NIBAN3: variants seen among roughly 807,000 people sequenced by gnomAD.
NIBAN3 encodes the protein protein Niban 3.
In NIBAN3, 66 loss-of-function variants were observed where a neutral mutation model predicts 76.4. That is an observed-to-expected ratio of 0.86 (90% CI 0.71 to 1.06). The LOEUF is 1.06. Among genes scored for constraint, NIBAN3 ranks in the 50% least tolerant of loss-of-function variants. The probability of loss-of-function intolerance (pLI) is 0.00; values close to 1 mark genes in which losing one functional copy is unlikely to be tolerated. For synonymous variants in NIBAN3, 360 were observed against 355.2 expected (o/e 1.01, Z -0.15); for missense variants, 808 against 810.7 (o/e 1.00, Z 0.04).
chr19:17,550,154 G>C (rs990141175), intron 14 of NIBAN3, among the ~76,000 whole-genome samples: 1 of 152,112 alleles, frequency 6.6e-6, no homozygotes, highest in African/African-American at 2.4e-5. Context: ...GACTTAGGGG[G>C]CATCTCCCAA....
chr19:17,533,632 G>A lies in NIBAN3; in HGVS notation c.358G>A (p.Gly120Arg). The A allele has an allele frequency of 6.2e-7, 1 of 1,614,130 alleles. No homozygotes were observed. Among genetic ancestry groups the A allele is most frequent in the East Asian group, 2.2e-5 (1 of 44,888 alleles). ...GHCLGSTALT[G>R]YTLLTSQREY... ...CTGCCTTGGCTCAACAGCCCTGACA[G>A]GATACACGCTCCTGACTTCCCAGCG... The change falls in exon 4 of 15, where the codon GGA becomes AGA. Residue 120 changes from glycine to arginine, a missense_variant. Transcript: ENST00000599164.
intron 1 of NIBAN3, 152 bp downstream of exon 1, chr19:17,527,547 T>G: frequency 1.1e-6 from 1 of 882,448 alleles, no homozygotes; most frequent in East Asian, 3.0e-5. Flanking sequence ...TTTCACGCAG[T>G]GAATCTTTTT....
chr19:17,546,365 G>A (rs939959860), intron 12 of NIBAN3: 6 of 188,746 alleles, frequency 3.2e-5, no homozygotes, highest in Non-Finnish European at 6.1e-5. Context: ...CCCACAACCC[G>A]CCACCACGCC....
rs1483938592 is a variant in NIBAN3, at chr19:17,553,142, A to G, written c.*1244A>G. On this transcript the variant is annotated 3_prime_UTR_variant, in exon 15 of 15. Transcript: ENST00000599164. ...TTGTAGTTTTTTTTTTTTTAATTTC[A>G]GTGAATTGCCTGTTCATAGCTTTTT... 1.5e-5 allele frequency: 14 copies of G among 935,254 alleles called. No individual in the cohort carries two copies. The highest frequency in any genetic ancestry group is 2.1e-5 in the Non-Finnish European group (14 of 657,452). 57.9% of individuals were successfully genotyped at this position (935,254 alleles called of 1,614,324 possible). A position where few individuals can be genotyped will look rare whatever the true frequency, so the allele number is the denominator to read the frequency against.
intron 10 of NIBAN3, among the ~76,000 whole-genome samples, 174 bp from the exon 11 acceptor site, chr19:17,543,143 A>G (rs988145570): frequency 3.3e-5 from 5 of 152,116 alleles, no homozygotes; most frequent in African/African-American, 1.2e-4. Context: ...AGACTAGACA[A>G]TCCCCAGGTC....
At chr19:17,538,654 A>T (rs561631995) in intron 5 of NIBAN3, among the ~76,000 whole-genome samples, 4 of 151,592 alleles carry the variant, frequency 2.6e-5, no homozygotes, top group African/African-American at 7.3e-5. Flanking sequence ...AGAGGAGAGA[A>T]GAGAACAGAA....
chr19:17,551,472 AT>A (rs1599765688), intron 14 of NIBAN3, among the ~76,000 whole-genome samples: 1 of 150,740 alleles, frequency 6.6e-6, no homozygotes, highest in East Asian at 1.9e-4. Flanking sequence ...CAATGGCGCG[AT>A]CTCGGCTAAC....
At chr19:17,549,824 CTCT>C (rs1340145770) in intron 14 of NIBAN3, 14 of 20,556 alleles carry the variant, frequency 6.8e-4, no homozygotes, top group South Asian at 2.3e-3. Context: ...CTCTCTCTCT[CTCT>C]TTTTTTTTTT....
rs200266618 is a variant in NIBAN3 at position 17,553,516 on chromosome 19, G to C, written c.*1618G>C. The C allele has an allele frequency of 2.5e-6, 4 of 1,614,158 alleles. No individual in the cohort carries two copies. Among genetic ancestry groups the C allele is most frequent in the Admixed American group, 1.7e-5 (1 of 60,004 alleles). The stretch of plus-strand genomic sequence containing the variant: ...GGGACTTTCACACTCCCTGGAGACC[G>C]TTTCCTCCCATTCTGTCTGGAGTTT... On this transcript the variant is annotated 3_prime_UTR_variant, in exon 15 of 15. Transcript: ENST00000599164.
intron 13 of NIBAN3, among the ~76,000 whole-genome samples, chr19:17,547,986 C>A (rs2076091224): frequency 1.3e-5 from 2 of 152,212 alleles, no homozygotes; most frequent in African/African-American, 4.8e-5. Flanking sequence ...TACGGATAGA[C>A]ATTTAAATTT....
intron 4 of NIBAN3, among the ~76,000 whole-genome samples, chr19:17,537,094 G>C (rs1009714093): frequency 6.6e-6 from 1 of 152,170 alleles, no homozygotes. Flanking sequence ...ATGGATTGGT[G>C]GTGGCTGCCA....
intron 5 of NIBAN3, among the ~76,000 whole-genome samples, chr19:17,538,145 G>A (rs776270140): frequency 6.6e-5 from 10 of 151,936 alleles, no homozygotes; most frequent in South Asian, 2.1e-4. Context: ...CGCTGGGCGC[G>A]GTGGCTCACA....
Position 17,539,624 on chromosome 19 carries a change from G to T in NIBAN3, c.838G>T (p.Ala280Ser). The change falls in exon 8 of 15, where the codon GCT becomes TCT. Residue 280 changes from alanine to serine, a missense_variant. Coordinates refer to ENST00000599164, the MANE Select transcript of NIBAN3 (RefSeq NM_001321827.2). ...GCAGCTTCTAGACGCCGTTCACGCA[G>T]CTGTCCTGGCCGGGGCCTCCGCCGG... The part of the protein sequence containing the change: ...WTELLDAVHA[A>S]VLAGASAGLC... The T allele has an allele frequency of 6.4e-7, 1 of 1,567,858 alleles. No homozygotes were observed. The highest frequency in any genetic ancestry group is 8.7e-7 in the Non-Finnish European group (1 of 1,154,502).
chr19:17,553,757 C>T (rs2076191336), downstream of NIBAN3: 1 of 597,828 alleles, frequency 1.7e-6, no homozygotes, highest in Admixed American at 2.9e-5. Flanking sequence ...ATTGTTTGCC[C>T]TTGGGTCTAA....
At chr19:17,525,814 C>A (rs187242450), upstream of NIBAN3, among the ~76,000 whole-genome samples, 7 of 152,108 alleles carry the variant, frequency 4.6e-5, no homozygotes, top group East Asian at 1.4e-3. Context: ...AAAAGGGACA[C>A]CTTCGCTGGG....
intron 8 of NIBAN3, chr19:17,540,161 G>A: frequency 2.3e-6 from 1 of 426,550 alleles, no homozygotes; most frequent in Non-Finnish European, 4.2e-6. Context: ...AGGAGGGGCG[G>A]GGGTAAAGGC....
chr19:17,539,865 TG>T (rs1008009027), intron 8 of NIBAN3, 100 bp downstream of exon 8: 3 of 534,414 alleles, frequency 5.6e-6, no homozygotes, highest in African/African-American at 3.5e-5. Flanking sequence ...TTATGTAAAA[TG>T]GGGGCGTGGT....
chr19:17,553,641 T>C (rs1333394708), downstream of NIBAN3: 2 of 1,225,548 alleles, frequency 1.6e-6, no homozygotes, highest in Non-Finnish European at 2.4e-6. Flanking sequence ...TTGCACTTCA[T>C]AGGCTTCTTT....
rs1194298446 is a variant in NIBAN3 at position 17,539,219 on chromosome 19, A to T, written c.665A>T (p.Gln222Leu). The T allele has an allele frequency of 6.2e-7, 1 of 1,609,110 alleles. No homozygotes were observed. Residue 222 changes from glutamine (Q) to leucine (L), a missense_variant, in exon 6 of 15, where the codon CAA becomes CTA. Coordinates refer to ENST00000599164, the MANE Select transcript of NIBAN3 (RefSeq NM_001321827.2). ...LDAVRLYRQH[Q>L]GHFGDDDVTL... ...GCCGTCCGACTCTACCGGCAGCACC[A>T]AGGCCACTTTGGCGACGACGACGTG... is the stretch of plus-strand genomic sequence containing the variant.
Sources: allele counts gnomAD v4.1 joint callset (sites outside exome capture counted in the v4.1 genomes callset), GRCh38; gene constraint gnomAD v4.1.1; transcripts MANE v1.5; gene names NCBI Gene and HGNC (gene_info 2026-07-23, HGNC 2026-07-21).